The following NCAM2 variants were observed in gnomAD, a reference collection of about 807,000 sequenced individuals.
NCAM2 encodes neural cell adhesion molecule 2, also known as N-CAM-2.
In NCAM2, 30 loss-of-function variants were observed where a neutral mutation model predicts 98.1. That is an observed-to-expected ratio of 0.31 (90% CI 0.23 to 0.41). NCAM2 has a LOEUF of 0.41. Ranked by LOEUF, NCAM2 falls within the 10% of genes least tolerant of loss-of-function variation. The pLI, the probability that NCAM2 is intolerant of heterozygous loss-of-function variation, is 1.00. For synonymous variants in NCAM2, 368 were observed against 342.4 expected (o/e 1.07, Z -0.83); for missense variants, 867 against 1,005.8 (o/e 0.86, Z 1.87).
intron 1 of NCAM2, among the ~76,000 whole-genome samples, chr21:21,190,525 C>T (rs1251094221): frequency 6.6e-6 from 1 of 152,194 alleles, no homozygotes; most frequent in Non-Finnish European, 1.5e-5. Context: ...CTTCAGTGTT[C>T]TGGTTATTTA....
At chr21:21,213,679 A>G (rs968110722) in intron 1 of NCAM2, among the ~76,000 whole-genome samples, 1 of 152,206 alleles carries the variant, frequency 6.6e-6, no homozygotes, top group Admixed American at 6.5e-5. Context: ...GTTAGTATTC[A>G]GGTTTTATAT....
At chr21:21,137,359 C>T (rs1198458204) in intron 1 of NCAM2, among the ~76,000 whole-genome samples, 1 of 152,142 alleles carries the variant, frequency 6.6e-6, no homozygotes, top group East Asian at 1.9e-4. Flanking sequence ...TGTGGCATTT[C>T]ACAATACAGC....
At chr21:21,120,421 T>C (rs1361316834) in intron 1 of NCAM2, among the ~76,000 whole-genome samples, 1 of 152,152 alleles carries the variant, frequency 6.6e-6, no homozygotes, top group Non-Finnish European at 1.5e-5. Context: ...CTGATTCCTT[T>C]AGTGGCACTG....
intron 1 of NCAM2, among the ~76,000 whole-genome samples, chr21:21,080,620 A>T (rs2065773875): frequency 6.6e-6 from 1 of 151,164 alleles, no homozygotes; most frequent in Non-Finnish European, 1.5e-5. Context: ...CTGTCAAAAA[A>T]AAAAAAGACT....
intron 6 of NCAM2, among the ~76,000 whole-genome samples, chr21:21,333,400 G>A (rs558755130): frequency 2.0e-4 from 30 of 152,088 alleles, no homozygotes; most frequent in Admixed American, 1.0e-3. Flanking sequence ...CATATCTCCC[G>A]TTATAACAGA....
intron 8 of NCAM2, among the ~76,000 whole-genome samples, chr21:21,347,402 C>T (rs940736810): frequency 7.9e-5 from 12 of 151,986 alleles, no homozygotes; most frequent in African/African-American, 2.9e-4. Flanking sequence ...AATCACATTA[C>T]CTGACTTCAA....
chr21:21,517,784 G>C (rs565824103), intron 16 of NCAM2, among the ~76,000 whole-genome samples: 2 of 152,224 alleles, frequency 1.3e-5, no homozygotes, highest in East Asian at 1.9e-4. Flanking sequence ...CTTGAACCTG[G>C]GGAACGAAGA....
intron 1 of NCAM2, among the ~76,000 whole-genome samples, chr21:21,245,480 TCA>T (rs974154530): frequency 3.9e-5 from 6 of 152,186 alleles, no homozygotes; most frequent in Non-Finnish European, 7.3e-5. Flanking sequence ...AGTTGTTTTC[TCA>T]CACAGACAGA....
chr21:21,065,515 T>A (rs1372601445), intron 1 of NCAM2, among the ~76,000 whole-genome samples: 1 of 152,214 alleles, frequency 6.6e-6, no homozygotes, highest in Non-Finnish European at 1.5e-5. Flanking sequence ...GAATACTTTT[T>A]ATTCTCCTCA....
intron 15 of NCAM2, among the ~76,000 whole-genome samples, chr21:21,500,007 A>G (rs905573894): frequency 1.3e-5 from 2 of 152,078 alleles, no homozygotes; most frequent in Non-Finnish European, 2.9e-5. Context: ...AATATATATT[A>G]TAAAATACTA....
At chr21:21,077,960 T>G (rs2146391219) in intron 1 of NCAM2, among the ~76,000 whole-genome samples, 1 of 152,236 alleles carries the variant, frequency 6.6e-6, no homozygotes, top group East Asian at 1.9e-4. Context: ...GTTACTTTAT[T>G]TATAGAACCT....
intron 1 of NCAM2, among the ~76,000 whole-genome samples, chr21:21,080,308 C>T (rs1009281868): frequency 2.0e-5 from 3 of 152,056 alleles, no homozygotes; most frequent in Non-Finnish European, 2.9e-5. Flanking sequence ...ATTAACATTT[C>T]GCCTTTACCC....
At chr21:21,215,310 T>A (rs73316719) in intron 1 of NCAM2, among the ~76,000 whole-genome samples, 3,245 of 152,276 alleles carry the variant, frequency 0.021, 124 homozygotes, top group African/African-American at 0.074. Flanking sequence ...ATAGAGATGT[T>A]CTCATGTTAG....
intron 1 of NCAM2, among the ~76,000 whole-genome samples, chr21:21,263,691 A>G (rs932961534): frequency 2.6e-5 from 4 of 152,166 alleles, no homozygotes; most frequent in Non-Finnish European, 5.9e-5. Context: ...TAGACAATGC[A>G]AAAATATAGC....
intron 1 of NCAM2, among the ~76,000 whole-genome samples, chr21:21,101,891 A>C (rs1414634007): frequency 6.6e-6 from 1 of 152,082 alleles, no homozygotes; most frequent in Non-Finnish European, 1.5e-5. Flanking sequence ...TGACAATTAT[A>C]AATAGTGTTT....
At chr21:21,338,001 A>G (rs1262052590) in intron 7 of NCAM2, among the ~76,000 whole-genome samples, 2 of 152,114 alleles carry the variant, frequency 1.3e-5, no homozygotes, top group South Asian at 4.1e-4. Flanking sequence ...ATGTGTATAT[A>G]TACATATATG....
chr21:21,179,855 G>A (rs1160490670), intron 1 of NCAM2, among the ~76,000 whole-genome samples: 1 of 152,196 alleles, frequency 6.6e-6, no homozygotes, highest in Admixed American at 6.5e-5. Context: ...TGTTGTTTCA[G>A]TTTTCTATTG....
chr21:21,463,019 T>A (rs1983193598), intron 12 of NCAM2, among the ~76,000 whole-genome samples: 1 of 152,096 alleles, frequency 6.6e-6, no homozygotes, highest in Admixed American at 6.6e-5. Flanking sequence ...AGTTTAAGGT[T>A]CTGTTGTTCT....
intron 1 of NCAM2, among the ~76,000 whole-genome samples, chr21:21,175,565 AG>A (rs1382603557): frequency 6.6e-6 from 1 of 152,084 alleles, no homozygotes; most frequent in Non-Finnish European, 1.5e-5. Flanking sequence ...ATAATAAAAC[AG>A]GGTGGTAACA....
Sources: allele counts gnomAD v4.1 joint callset (sites outside exome capture counted in the v4.1 genomes callset), GRCh38; gene constraint gnomAD v4.1.1; transcripts MANE v1.5; gene names NCBI Gene and HGNC (gene_info 2026-07-23, HGNC 2026-07-21).